The following RPTOR variants were observed in gnomAD, a reference collection of about 807,000 sequenced individuals.
RPTOR encodes the protein regulatory associated protein of MTOR complex 1, also known as regulatory-associated protein of mTOR.
In RPTOR, 21 loss-of-function variants were observed where a neutral mutation model predicts 169.9. The ratio of observed to expected loss-of-function variants is 0.12; its 90% CI spans 0.09 to 0.18. The LOEUF is 0.18. RPTOR is among the 10% of genes least tolerant of loss of function. The probability of loss-of-function intolerance (pLI) is 1.00; values close to 1 mark genes in which losing one functional copy is unlikely to be tolerated. For synonymous variants in RPTOR, 732 were observed against 753.2 expected, an observed-to-expected ratio of 0.97 and a Z score of 0.46; for missense variants, 1,133 against 1,855.9, an observed-to-expected ratio of 0.61 and a Z score of 7.16.
intron 3 of RPTOR, among the ~76,000 whole-genome samples, chr17:80,676,899 G>A (rs9319609): frequency 0.32 from 48,118 of 151,968 alleles, 9,241 homozygotes; most frequent in African/African-American, 0.54. Context: ...ACCTAGTGCC[G>A]CCTCATCTGA....
chr17:80,961,796 G>A (rs990420949), intron 31 of RPTOR: 6 of 349,294 alleles, frequency 1.7e-5, no homozygotes, highest in Non-Finnish European at 2.1e-5. Context: ...TGGCAGGGGC[G>A]GCGCGTCTGC....
rs2069299242 is a variant in RPTOR, at chr17:80,959,175, C to T, written c.3478-903C>T. On this transcript the variant is annotated intron_variant, in intron 29 of 33. Transcript: ENST00000306801. This position sits in a 1 kb window ranked among gnomAD's most constrained non-coding sequence, Gnocchi z 6.7. Reference sequence around the variant, plus strand: ...TGGGCAGCCTCCCCTCTGACGTGACCGTGGATCCCTCGAGGCACCAGCAGC... The same window carrying T: ...TGGGCAGCCTCCCCTCTGACGTGACTGTGGATCCCTCGAGGCACCAGCAGC... Among the ~76,000 whole-genome samples the T allele has an allele frequency of 6.6e-6, 1 of 152,240 alleles. No homozygotes were observed. The highest frequency in any genetic ancestry group is 1.5e-5 in the Non-Finnish European group (1 of 68,042).
At chr17:80,684,569 C>A (rs190806628) in intron 3 of RPTOR, among the ~76,000 whole-genome samples, 1 of 151,836 alleles carries the variant, frequency 6.6e-6, no homozygotes, top group Non-Finnish European at 1.5e-5. Flanking sequence ...CTCAGCCTCC[C>A]GAGTAGCTGG....
intron 17 of RPTOR, among the ~76,000 whole-genome samples, chr17:80,888,549 C>T (rs2068276796): frequency 6.6e-6 from 1 of 152,194 alleles, no homozygotes; most frequent in African/African-American, 2.4e-5. Context: ...GCGAGGTGGG[C>T]CAGTAGCCCA....
At chr17:80,928,912 G>A (rs1265563594) in intron 24 of RPTOR, among the ~76,000 whole-genome samples, 1 of 152,190 alleles carries the variant, frequency 6.6e-6, no homozygotes, top group Non-Finnish European at 1.5e-5. Context: ...CACTGTTGGT[G>A]GGTGGGTCCA....
At chr17:80,570,008 G>A (rs2064886564) in intron 1 of RPTOR, among the ~76,000 whole-genome samples, 1 of 152,154 alleles carries the variant, frequency 6.6e-6, no homozygotes, top group Non-Finnish European at 1.5e-5. Context: ...AGGGACTCAA[G>A]GAGCCCAGCT....
intron 20 of RPTOR, among the ~76,000 whole-genome samples, chr17:80,902,618 C>T (rs1182849699): frequency 3.3e-5 from 5 of 152,268 alleles, no homozygotes; most frequent in Non-Finnish European, 5.9e-5. Context: ...TATCTGTGTT[C>T]CTGACGGCCA....
chr17:80,604,463 G>T (rs1254606050), intron 1 of RPTOR, among the ~76,000 whole-genome samples: 1 of 152,170 alleles, frequency 6.6e-6, no homozygotes, highest in African/African-American at 2.4e-5. Flanking sequence ...ACAAAATAAT[G>T]AGTTAGTCTT....
At chr17:80,743,336 G>A (rs887607671) in intron 5 of RPTOR, 45 of 985,382 alleles carry the variant, frequency 4.6e-5, no homozygotes, top group Admixed American at 1.2e-4. Flanking sequence ...AGGTTCCGCC[G>A]TGCAGAGAAG....
chr17:80,644,596 G>A lies in RPTOR; in HGVS notation c.348+786G>A, dbSNP rs146073164. On this transcript the variant is annotated intron_variant, in intron 3 of 33. Coordinates refer to ENST00000306801, the MANE Select transcript of RPTOR (RefSeq NM_020761.3). ...AAGAATGCAGGTTGAGAAGGTGCGC[G>A]TCTCCTGCAAGTTTTACTCTCCCCT... 5.1e-3 allele frequency among the ~76,000 whole-genome samples: 783 copies of A among 152,222 alleles called. 3 individuals are homozygous for A. Among genetic ancestry groups the A allele is most frequent in the Middle Eastern group, 0.01 (3 of 294 alleles).
At position 80,601,555 on chromosome 17, in the gene RPTOR, C is replaced by CT. The variant is rs536196387; in HGVS notation, c.163-24119dup. ...CTGCTGTTGGTGAAGATGGTTCAGTCTTTTTTTTTTTTTTTTTAAATTTAT... is the reference window on the plus strand; with the variant it reads ...CTGCTGTTGGTGAAGATGGTTCAGTCTTTTTTTTTTTTTTTTTTAAATTTAT... On this transcript the variant is annotated intron_variant, in intron 1 of 33. Transcript: ENST00000306801. 2.7e-3 allele frequency among the ~76,000 whole-genome samples: 48 copies of CT among 17,994 alleles called. 14 individuals are homozygous for CT. Among genetic ancestry groups the CT allele is most frequent in the Admixed American group, 5.4e-3 (9 of 1,666 alleles). 11.8% of individuals were successfully genotyped at this position (17,994 alleles called of 152,430 possible). A position where few individuals can be genotyped will look rare whatever the true frequency, so the allele number is the denominator to read the frequency against.
chr17:80,779,685 A>G (rs1355470920), intron 6 of RPTOR, among the ~76,000 whole-genome samples: 6 of 152,146 alleles, frequency 3.9e-5, no homozygotes, highest in Admixed American at 3.9e-4. Context: ...TAGCGTCGCA[A>G]CCATAGACCA....
rs781547897 is a variant in RPTOR, at chr17:80,891,862, C to T, written c.2101+25C>T. 5.3e-6 allele frequency: 8 copies of T among 1,517,630 alleles called. No individual in the cohort carries two copies. In the Admixed American group the frequency reaches 6.7e-5, roughly 13 times the overall value. The allele number at this position is 1,517,630 out of a possible 1,614,324, so 94.0% of individuals were successfully genotyped here. A position where few individuals can be genotyped will look rare whatever the true frequency, so the allele number is the denominator to read the frequency against. ...GGTATGGCGTCTTCTCCTGTGAACC[C>T]GCAGAGCACCTCGCCTGGCGGTTCT... On this transcript the variant is annotated intron_variant, in intron 18 of 33. Transcript: ENST00000306801.
intron 4 of RPTOR, among the ~76,000 whole-genome samples, chr17:80,714,217 G>A (rs8071397): frequency 0.35 from 53,520 of 151,942 alleles, 9,693 homozygotes; most frequent in African/African-American, 0.44. Flanking sequence ...CTGGGATTAC[G>A]GATGTGAGCC....
At chr17:80,655,982 G>T (rs979519648) in intron 3 of RPTOR, among the ~76,000 whole-genome samples, 16 of 152,010 alleles carry the variant, frequency 1.1e-4, no homozygotes, top group African/African-American at 3.1e-4. Context: ...TCAGCCTGTG[G>T]CCTCCTTAGT....
In RPTOR at chr17:80,548,890, T is replaced by G. The variant is rs1007803310; in HGVS notation, c.162+3099T>G. 4.7e-5 allele frequency among the ~76,000 whole-genome samples: 7 copies of G among 149,934 alleles called. 1 individual carries two copies. The highest frequency in any genetic ancestry group is 1.9e-4 in the East Asian group (1 of 5,190). ...CCTAAATGCAAGCTGAGATTTTGCTTCTTCTTGTGGTTAATGTGCAATTCC... is the reference window on the plus strand; with the variant it reads ...CCTAAATGCAAGCTGAGATTTTGCTGCTTCTTGTGGTTAATGTGCAATTCC... On this transcript the variant is annotated intron_variant, in intron 1 of 33. Transcript: ENST00000306801.
chr17:80,674,825 A>C (rs906239807), intron 3 of RPTOR, among the ~76,000 whole-genome samples: 4 of 130,894 alleles, frequency 3.1e-5, no homozygotes, highest in Admixed American at 7.8e-5. Flanking sequence ...AAAAAAAAAA[A>C]CAACTTCTCA....
At chr17:80,749,721 TG>T (rs1261828563) in intron 5 of RPTOR, among the ~76,000 whole-genome samples, 3 of 152,168 alleles carry the variant, frequency 2.0e-5, no homozygotes, top group African/African-American at 7.2e-5. Flanking sequence ...GGGCTTTTTT[TG>T]TTTGTCTTTA....
intron 12 of RPTOR, 33 bp from the exon 13 acceptor site, chr17:80,857,757 C>G: frequency 6.5e-7 from 1 of 1,528,616 alleles, no homozygotes; most frequent in South Asian, 1.1e-5. Flanking sequence ...CTTGCTGCGG[C>G]ACAGGTGCGC....
Sources: gnomAD v4.1 joint callset for allele counts (sites outside exome capture counted in the v4.1 genomes callset) on GRCh38, gnomAD v4.1.1 for gene constraint, Gnocchi (gnomAD v3.1) non-coding constraint, MANE v1.5 for transcripts, NCBI Gene and HGNC (gene_info 2026-07-23, HGNC 2026-07-21) for gene names.